The following AOAH variants were observed in gnomAD, a reference collection of about 807,000 sequenced individuals.
AOAH encodes the protein acyloxyacyl hydrolase, also known as acyloxyacyl hydrolase (neutrophil).
AOAH carries 64 observed loss-of-function variants against 92.2 expected under a neutral mutation model. The observed-to-expected ratio is 0.69, with a 90% CI of 0.57 to 0.86. AOAH has a LOEUF of 0.86. Among genes scored for constraint, AOAH ranks in the 40% least tolerant of loss-of-function variants. The pLI is 0.00. For synonymous variants in AOAH, 263 were observed against 254.5 expected (o/e 1.03, Z -0.32); for missense variants, 656 against 694.6 (o/e 0.94, Z 0.62).
At chr7:36,622,563 G>A (rs960445115) in intron 7 of AOAH, among the ~76,000 whole-genome samples, 4 of 151,178 alleles carry the variant, frequency 2.6e-5, no homozygotes, top group South Asian at 2.1e-4. Context: ...TGAATCAAAC[G>A]CACACACACA....
rs1562543123 is a variant in AOAH, at chr7:36,535,008, CTG to C, written c.1307-2666_1307-2665del. On this transcript the variant is annotated intron_variant, in intron 16 of 20. Coordinates refer to ENST00000617537, the MANE Select transcript of AOAH (RefSeq NM_001637.4). ...TTTGTGTGTGTCTGCTTGTGTGTATCTGTGTGTGTCTGTGTCTGTGTGTGTGT... is the reference window on the plus strand; with the variant it reads ...TTTGTGTGTGTCTGCTTGTGTGTATCTGTGTGTCTGTGTCTGTGTGTGTGT... 3.3e-4 allele frequency among the ~76,000 whole-genome samples: 25 copies of C among 75,154 alleles called. No individual in the cohort carries two copies. In the South Asian group the frequency reaches 3.4e-3, roughly 10 times the overall value. The allele number at this position is 75,154 out of a possible 152,430, so 49.3% of individuals were successfully genotyped here.
rs183571164 is a variant in AOAH at position 36,552,080 on chromosome 7, T to A, written c.1022-2605A>T. ...TTTATTTTAAGTTCCAGGATACATG[T>A]GTAGGTTTGTTACATAGGTAAATAT... On this transcript the variant is annotated intron_variant, in intron 13 of 20. Coordinates refer to ENST00000617537, the MANE Select transcript of AOAH (RefSeq NM_001637.4). 2.8e-3 allele frequency among the ~76,000 whole-genome samples: 427 copies of A among 152,240 alleles called. 5 individuals carry two copies. Among genetic ancestry groups the A allele is most frequent in the Admixed American group, 0.027 (411 of 15,302 alleles).
chr7:36,680,618 T>C (rs1364746603), intron 2 of AOAH, among the ~76,000 whole-genome samples: 1 of 152,160 alleles, frequency 6.6e-6, no homozygotes, highest in African/African-American at 2.4e-5. Flanking sequence ...TGCCACCCCA[T>C]ACAACTGACA....
At chr7:36,671,503 T>A (rs1488502879) in intron 3 of AOAH, among the ~76,000 whole-genome samples, 4 of 152,260 alleles carry the variant, frequency 2.6e-5, no homozygotes, top group Middle Eastern at 3.4e-3. Context: ...CAAACAGCTG[T>A]GGTAAATGCC....
At chr7:36,568,634 TCTTCTGGGGTTTCC>T (rs1166695228) in intron 13 of AOAH, among the ~76,000 whole-genome samples, 4 of 152,156 alleles carry the variant, frequency 2.6e-5, no homozygotes, top group African/African-American at 9.7e-5. Context: ...AGTTCCCCTC[TCTTCTGGGGTTTCC>T]CTTCACTCTG....
chr7:36,541,096 C>T (rs1285974982), intron 15 of AOAH, among the ~76,000 whole-genome samples: 1 of 152,208 alleles, frequency 6.6e-6, no homozygotes, highest in Non-Finnish European at 1.5e-5. Flanking sequence ...CAGAATCTTA[C>T]TGATTAAGTT....
intron 13 of AOAH, among the ~76,000 whole-genome samples, chr7:36,557,658 A>G (rs1169103898): frequency 1.3e-5 from 2 of 152,082 alleles, no homozygotes; most frequent in African/African-American, 2.4e-5. Context: ...ACATAGTCCC[A>G]TATTTCTTGG....
chr7:36,625,946 ATC>A lies in AOAH; in HGVS notation c.522-2698_522-2697del, dbSNP rs777914065. Among the ~76,000 whole-genome samples the A allele has an allele frequency of 4.6e-5, 7 of 152,296 alleles. No individual in the cohort carries two copies. In the East Asian group the frequency reaches 1.3e-3, roughly 29 times the overall value. The stretch of plus-strand genomic sequence containing the variant: ...CAAATGGTTTTCTCTCACTTTAATC[ATC>A]TGTCAAGAAATGCGGAAAAAGCTTG... On this transcript the variant is annotated intron_variant, in intron 6 of 20. Coordinates refer to ENST00000617537, the MANE Select transcript of AOAH (RefSeq NM_001637.4).
At chr7:36,552,956 CTTTTT>C (rs879424768) in intron 13 of AOAH, among the ~76,000 whole-genome samples, 1 of 144,798 alleles carries the variant, frequency 6.9e-6, no homozygotes, top group Non-Finnish European at 1.5e-5. Flanking sequence ...ACCACATTTT[CTTTTT>C]TTTTTTCTTT....
intron 12 of AOAH, among the ~76,000 whole-genome samples, chr7:36,585,466 A>T (rs754926463): frequency 1.3e-5 from 2 of 152,210 alleles, no homozygotes; most frequent in Non-Finnish European, 2.9e-5. Flanking sequence ...TTAAAAATGT[A>T]AACATTTGGG....
intron 12 of AOAH, among the ~76,000 whole-genome samples, chr7:36,590,246 C>CT (rs572557420): frequency 1.3e-5 from 2 of 151,790 alleles, no homozygotes; most frequent in African/African-American, 2.4e-5. Flanking sequence ...TTTAAAAATA[C>CT]TTTTTTCTTC....
intron 15 of AOAH, among the ~76,000 whole-genome samples, chr7:36,544,663 A>T (rs1328378135): frequency 6.6e-6 from 1 of 152,218 alleles, no homozygotes; most frequent in East Asian, 1.9e-4. Flanking sequence ...ACATGTCAGA[A>T]ACAAATGGCC....
chr7:36,585,316 T>C (rs750222778), intron 12 of AOAH, among the ~76,000 whole-genome samples: 5 of 152,036 alleles, frequency 3.3e-5, no homozygotes, highest in Non-Finnish European at 7.4e-5. Context: ...AGAACAACAA[T>C]ACAATGTTGT....
intron 4 of AOAH, among the ~76,000 whole-genome samples, chr7:36,646,086 A>G (rs527792529): frequency 6.6e-6 from 1 of 152,320 alleles, no homozygotes; most frequent in East Asian, 1.9e-4. Flanking sequence ...CACCACCATC[A>G]CATACCACTC....
At chr7:36,681,639 T>A (rs954212129) in intron 2 of AOAH, among the ~76,000 whole-genome samples, 15 of 152,066 alleles carry the variant, frequency 9.9e-5, no homozygotes, top group African/African-American at 3.4e-4. Flanking sequence ...ACCCCGTGTC[T>A]ACTAAAAATG....
chr7:36,525,873 T>C (rs1455600766), intron 19 of AOAH, among the ~76,000 whole-genome samples: 1 of 152,182 alleles, frequency 6.6e-6, no homozygotes, highest in African/African-American at 2.4e-5. Flanking sequence ...TCTCCTTCCC[T>C]TGGAGACTTG....
intron 16 of AOAH, among the ~76,000 whole-genome samples, chr7:36,535,036 C>G (rs145127415): frequency 0.19 from 4,704 of 24,196 alleles, 114 homozygotes; most frequent in Non-Finnish European, 0.22. Flanking sequence ...GTGTGTGTGT[C>G]TGTGTGTGTG....
At chr7:36,560,470 C>T (rs1338644789) in intron 13 of AOAH, among the ~76,000 whole-genome samples, 1 of 152,018 alleles carries the variant, frequency 6.6e-6, no homozygotes, top group Non-Finnish European at 1.5e-5. Context: ...AGATGTATTC[C>T]TAGGTATTTT....
chr7:36,592,363 C>G (rs1217552195), intron 12 of AOAH, among the ~76,000 whole-genome samples: 1 of 152,114 alleles, frequency 6.6e-6, no homozygotes, highest in Non-Finnish European at 1.5e-5. Flanking sequence ...GAGGCTAGGA[C>G]TCAGAAAGTC....
Sources: gnomAD v4.1 joint callset for allele counts (sites outside exome capture counted in the v4.1 genomes callset) on GRCh38, gnomAD v4.1.1 for gene constraint, MANE v1.5 for transcripts, NCBI Gene and HGNC (gene_info 2026-07-23, HGNC 2026-07-21) for gene names.